ROBO2: variants seen among roughly 807,000 people sequenced by gnomAD.
ROBO2 encodes roundabout guidance receptor 2, also known as roundabout homolog 2.
Under a neutral mutation model 160.8 loss-of-function variants are expected in ROBO2, and 53 were observed. That is an observed-to-expected ratio of 0.33 (90% confidence interval 0.26 to 0.41). ROBO2 has a LOEUF of 0.41. ROBO2 is among the 10% of genes least tolerant of loss of function. ROBO2 has a pLI of 1.00. For synonymous variants in ROBO2, 664 were observed against 611.7 expected (o/e 1.09, Z -1.26); for missense variants, 1,577 against 1,722.4 (o/e 0.92, Z 1.49).
At chr3:76,798,830 CT>C (rs1381841590) in intron 2 of ROBO2, among the ~76,000 whole-genome samples, 2 of 152,020 alleles carry the variant, frequency 1.3e-5, no homozygotes, top group Non-Finnish European at 2.9e-5. Flanking sequence ...AAAGTTGAGG[CT>C]TCAGTGAATC....
chr3:76,878,923 C>T (rs1403035533), intron 2 of ROBO2, among the ~76,000 whole-genome samples: 1 of 151,942 alleles, frequency 6.6e-6, no homozygotes, highest in Non-Finnish European at 1.5e-5. Context: ...CAGGTATTTA[C>T]AGAGAGAAAT....
intron 2 of ROBO2, among the ~76,000 whole-genome samples, chr3:77,260,471 A>C (rs752062279): frequency 1.4e-4 from 21 of 152,158 alleles, no homozygotes; most frequent in Non-Finnish European, 2.5e-4. Flanking sequence ...CTTAGGATGG[A>C]TAAATGACTA....
At chr3:76,819,876 A>G (rs1307457647) in intron 2 of ROBO2, among the ~76,000 whole-genome samples, 1 of 152,052 alleles carries the variant, frequency 6.6e-6, no homozygotes, top group African/African-American at 2.4e-5. Context: ...GTGTCGTGTG[A>G]GTCTATGTTG....
At chr3:77,299,486 G>A (rs1260532204) in intron 2 of ROBO2, among the ~76,000 whole-genome samples, 1 of 152,184 alleles carries the variant, frequency 6.6e-6, no homozygotes, top group Non-Finnish European at 1.5e-5. Context: ...GTGATGGAAG[G>A]AGAAGCAAAC....
chr3:76,055,434 C>A (rs896064774), intron 2 of ROBO2, among the ~76,000 whole-genome samples: 1 of 152,136 alleles, frequency 6.6e-6, no homozygotes, highest in East Asian at 1.9e-4. Context: ...TTCTAGTGCA[C>A]CTGTCACCCA....
chr3:76,925,062 G>C (rs1437528136), intron 2 of ROBO2, among the ~76,000 whole-genome samples: 1 of 151,508 alleles, frequency 6.6e-6, no homozygotes, highest in Non-Finnish European at 1.5e-5. Flanking sequence ...CAAAAAATTA[G>C]CCGGGCGTAG....
chr3:76,778,363 G>C (rs2062413985), intron 2 of ROBO2, among the ~76,000 whole-genome samples: 1 of 151,146 alleles, frequency 6.6e-6, no homozygotes, highest in African/African-American at 2.4e-5. Flanking sequence ...TGAGCTATGA[G>C]CAAAGGTTAT....
chr3:76,735,037 A>G (rs1263767413), intron 2 of ROBO2, among the ~76,000 whole-genome samples: 1 of 152,230 alleles, frequency 6.6e-6, no homozygotes, highest in Non-Finnish European at 1.5e-5. Flanking sequence ...TTTCTGGAAG[A>G]ACTTAACAGA....
intron 2 of ROBO2, among the ~76,000 whole-genome samples, chr3:76,859,949 G>A (rs1351451600): frequency 1.3e-5 from 2 of 152,170 alleles, no homozygotes; most frequent in East Asian, 3.8e-4. Flanking sequence ...AGACGTGAGT[G>A]TTGTTCATCA....
At chr3:76,495,674 T>A (rs2080110065) in intron 2 of ROBO2, among the ~76,000 whole-genome samples, 1 of 152,150 alleles carries the variant, frequency 6.6e-6, no homozygotes, top group Non-Finnish European at 1.5e-5. Flanking sequence ...CAACAAGGTA[T>A]GCTATGAAAG....
chr3:75,978,622 A>G (rs1240714655), intron 2 of ROBO2, among the ~76,000 whole-genome samples: 1 of 151,574 alleles, frequency 6.6e-6, no homozygotes, highest in Non-Finnish European at 1.5e-5. Flanking sequence ...TCAGCTTATT[A>G]ATTGATATCA....
intron 21 of ROBO2, among the ~76,000 whole-genome samples, chr3:77,614,714 C>T (rs557706982): frequency 1.5e-4 from 22 of 151,498 alleles, no homozygotes; most frequent in East Asian, 1.2e-3. Context: ...TGATATTATT[C>T]CCCCAAAAAA....
At chr3:76,572,944 A>T (rs1348635064) in intron 2 of ROBO2, among the ~76,000 whole-genome samples, 5 of 152,178 alleles carry the variant, frequency 3.3e-5, no homozygotes, top group Non-Finnish European at 7.4e-5. Context: ...TTTGCTACTG[A>T]CAGCATAAAC....
intron 2 of ROBO2, among the ~76,000 whole-genome samples, chr3:77,030,717 C>A (rs2063266605): frequency 6.6e-6 from 1 of 152,186 alleles, no homozygotes; most frequent in Non-Finnish European, 1.5e-5. Flanking sequence ...CCATAATCTT[C>A]ATGTAGCTTA....
At chr3:76,280,203 A>T (rs1006405278) in intron 2 of ROBO2, among the ~76,000 whole-genome samples, 31 of 151,364 alleles carry the variant, frequency 2.0e-4, no homozygotes, top group African/African-American at 7.0e-4. Context: ...GCAGTCATGA[A>T]TTTTTTCTTC....
At chr3:76,132,894 A>G (rs527965910) in intron 2 of ROBO2, among the ~76,000 whole-genome samples, 19 of 152,270 alleles carry the variant, frequency 1.2e-4, no homozygotes, top group Admixed American at 1.0e-3. Flanking sequence ...AAGAAAGCGC[A>G]AAGTGAATGG....
chr3:76,931,811 C>G (rs13074437), intron 2 of ROBO2, among the ~76,000 whole-genome samples: 68,375 of 151,832 alleles, frequency 0.45, 15,725 homozygotes, highest in African/African-American at 0.54. Context: ...TCTCCGAGAA[C>G]CTGGGATTAC....
chr3:76,494,734 C>A (rs2080044228), intron 2 of ROBO2, among the ~76,000 whole-genome samples: 1 of 152,166 alleles, frequency 6.6e-6, no homozygotes, highest in East Asian at 1.9e-4. Flanking sequence ...TTCTGTTACT[C>A]TTGTGCTGTA....
rs71629626 is a variant in ROBO2 at position 76,938,971 on chromosome 3, C to CAAAAAAAAAAAAAAAAAAAAAA, written c.110-159039_110-159018dup. Among the ~76,000 whole-genome samples the CAAAAAAAAAAAAAAAAAAAAAA allele has an allele frequency of 2.4e-4, 28 of 114,604 alleles. 1 individual carries two copies. The highest frequency in any genetic ancestry group is 8.8e-4 in the African/African-American group (28 of 31,854). 75.2% of individuals were successfully genotyped at this position (114,604 alleles called of 152,430 possible). A position where few individuals can be genotyped will look rare whatever the true frequency, so the allele number is the denominator to read the frequency against. On this transcript the variant is annotated intron_variant, in intron 2 of 26. Transcript: ENST00000487694. ...GGGCGACAAGAGCAAAACTCAGTCT[C>CAAAAAAAAAAAAAAAAAAAAAA]AAAAAAAAAAAAAAAAAAAAAAAAA...
Sources: allele counts gnomAD v4.1 joint callset (sites outside exome capture counted in the v4.1 genomes callset), GRCh38; gene constraint gnomAD v4.1.1; transcripts MANE v1.5; gene names NCBI Gene and HGNC (gene_info 2026-07-23, HGNC 2026-07-21).